The following RAB2A variants were observed in gnomAD, a reference collection of about 807,000 sequenced individuals.
RAB2A encodes the protein ras-related protein Rab-2A.
In RAB2A, 7 loss-of-function variants were observed where a neutral mutation model predicts 32.5. That is an observed-to-expected ratio of 0.22 (90% CI 0.12 to 0.40). RAB2A has a LOEUF of 0.40. RAB2A is among the 10% of genes least tolerant of loss of function. The pLI, the probability that RAB2A is intolerant of heterozygous loss-of-function variation, is 1.00. For missense variants in RAB2A, 108 were observed against 260.7 expected (o/e 0.41, Z 4.03); for synonymous variants, 79 against 85.2 (o/e 0.93, Z 0.40).
intron 7 of RAB2A, among the ~76,000 whole-genome samples, chr8:60,619,478 A>T (rs1442161345): frequency 6.6e-6 from 1 of 152,206 alleles, no homozygotes; most frequent in East Asian, 1.9e-4. Flanking sequence ...CTCATCCTAT[A>T]CATAAATGAG....
chr8:60,526,435 C>T (rs114012666), intron 1 of RAB2A, among the ~76,000 whole-genome samples: 1,668 of 152,190 alleles, frequency 0.011, 19 homozygotes, highest in African/African-American at 0.036. Context: ...TCCCAAGTCT[C>T]TCTGTTTTAG....
intron 6 of RAB2A, among the ~76,000 whole-genome samples, chr8:60,592,969 G>A (rs1210303550): frequency 6.6e-6 from 1 of 152,208 alleles, no homozygotes; most frequent in Non-Finnish European, 1.5e-5. Context: ...AAGGATAACA[G>A]AGGTCAGGGT....
chr8:60,616,233 T>C (rs1220453444), intron 6 of RAB2A, among the ~76,000 whole-genome samples: 1 of 152,236 alleles, frequency 6.6e-6, no homozygotes, highest in Non-Finnish European at 1.5e-5. Flanking sequence ...AGCATCACTT[T>C]CTTAAGCCTG....
intron 1 of RAB2A, among the ~76,000 whole-genome samples, chr8:60,537,981 T>C (rs1442147037): frequency 1.3e-5 from 2 of 152,214 alleles, no homozygotes; most frequent in Non-Finnish European, 2.9e-5. Flanking sequence ...CCTGGCCGTA[T>C]AGCCCAGTTT....
At chr8:60,575,611 T>A (rs1419050752) in intron 3 of RAB2A, among the ~76,000 whole-genome samples, 1 of 151,840 alleles carries the variant, frequency 6.6e-6, no homozygotes, top group African/African-American at 2.4e-5. Context: ...TTTATCAGCC[T>A]TATAGAAATG....
rs368871283 is a variant in RAB2A at position 60,580,495 on chromosome 8, T to C, written c.187-3713T>C. ...CAAAGAGAATAGGCCAGAGTTGTGA[T>C]AGTTTTCAGATAAGTAAGGTCTCAA... On this transcript the variant is annotated intron_variant, in intron 3 of 7. Coordinates refer to ENST00000262646, the MANE Select transcript of RAB2A (RefSeq NM_002865.3). 7.3e-4 allele frequency among the ~76,000 whole-genome samples: 111 copies of C among 152,318 alleles called. 3 individuals carry two copies. In the South Asian group the frequency reaches 0.02, roughly 28 times the overall value.
At chr8:60,519,413 T>TA (rs1416517153) in intron 1 of RAB2A, among the ~76,000 whole-genome samples, 2 of 152,216 alleles carry the variant, frequency 1.3e-5, no homozygotes, top group East Asian at 1.9e-4. Flanking sequence ...TCTCTATTCT[T>TA]AGAGTGCTTT....
At chr8:60,557,999 G>A (rs1438905978) in intron 1 of RAB2A, among the ~76,000 whole-genome samples, 1 of 152,146 alleles carries the variant, frequency 6.6e-6, no homozygotes, top group African/African-American at 2.4e-5. Context: ...TGTAAGCTCT[G>A]TACACAGGAA....
rs965896176 is a variant in RAB2A at position 60,622,479 on chromosome 8, A to G, written c.*1710A>G. ...TGTAGTACAGCCTTTTTTTCTTTCA[A>G]GTGGCTGTATCAAATTCACTGGTCT... is the stretch of plus-strand genomic sequence containing the variant. On this transcript the variant is annotated 3_prime_UTR_variant, in exon 8 of 8. Coordinates refer to ENST00000262646, the MANE Select transcript of RAB2A (RefSeq NM_002865.3). The G allele has an allele frequency of 3.3e-5, 5 of 152,162 alleles. No homozygotes were observed. The highest frequency in any genetic ancestry group is 1.2e-4 in the African/African-American group (5 of 41,436). 9.4% of individuals were successfully genotyped at this position (152,162 alleles called of 1,614,324 possible).
chr8:60,536,763 TGG>T (rs1205836310), intron 1 of RAB2A, among the ~76,000 whole-genome samples: 1 of 152,240 alleles, frequency 6.6e-6, no homozygotes. Context: ...ACATTCTTTT[TGG>T]TTAGCAAATG....
intron 6 of RAB2A, among the ~76,000 whole-genome samples, chr8:60,599,850 C>T (rs964147756): frequency 6.6e-6 from 1 of 151,906 alleles, no homozygotes; most frequent in African/African-American, 2.4e-5. Flanking sequence ...ATTTCAGTAT[C>T]TGAGCCTTAG....
chr8:60,614,469 C>G (rs1037015332), intron 6 of RAB2A, among the ~76,000 whole-genome samples: 2 of 151,976 alleles, frequency 1.3e-5, no homozygotes, highest in Admixed American at 1.3e-4. Context: ...CCAGGCTGGT[C>G]TCAAACTCCT....
intron 1 of RAB2A, among the ~76,000 whole-genome samples, chr8:60,529,671 G>T (rs963471921): frequency 3.3e-5 from 5 of 152,160 alleles, no homozygotes; most frequent in Non-Finnish European, 5.9e-5. Flanking sequence ...TACTTTGGGG[G>T]TTTATCTATA....
intron 6 of RAB2A, among the ~76,000 whole-genome samples, chr8:60,592,508 A>AT (rs35875542): frequency 0.49 from 74,589 of 151,088 alleles, 19,722 homozygotes; most frequent in African/African-American, 0.7. Flanking sequence ...ACTTCTGCTT[A>AT]TTTTTTTAAT....
At chr8:60,592,334 C>T (rs1398414526) in intron 6 of RAB2A, among the ~76,000 whole-genome samples, 2 of 152,100 alleles carry the variant, frequency 1.3e-5, no homozygotes, top group African/African-American at 4.8e-5. Flanking sequence ...AGCAAAATGG[C>T]TTCTCTGGGA....
chr8:60,524,166 C>A (rs2130805611), intron 1 of RAB2A, among the ~76,000 whole-genome samples: 1 of 152,286 alleles, frequency 6.6e-6, no homozygotes, highest in East Asian at 1.9e-4. Context: ...CTCATCTTCT[C>A]AATTGGTGTT....
chr8:60,565,676 A>ATTTTTTTT (rs71252885), intron 2 of RAB2A, among the ~76,000 whole-genome samples: 1 of 97,710 alleles, frequency 1.0e-5, no homozygotes, highest in Non-Finnish European at 2.1e-5. Flanking sequence ...TCTGTAGCTG[A>ATTTTTTTT]TTTTTTTTTT....
At chr8:60,562,212 T>C (rs1808035334) in intron 2 of RAB2A, among the ~76,000 whole-genome samples, 2 of 152,182 alleles carry the variant, frequency 1.3e-5, no homozygotes, top group Non-Finnish European at 2.9e-5. Context: ...TGGAGAAATA[T>C]TGTTAACAGG....
rs1442195298 is a variant in RAB2A at position 60,622,836 on chromosome 8, TTC to T, written c.*2071_*2072del. The T allele has an allele frequency of 6.6e-6, 1 of 152,224 alleles. No homozygotes were observed. Among genetic ancestry groups the T allele is most frequent in the African/African-American group, 2.4e-5 (1 of 41,458 alleles). 9.4% of individuals were successfully genotyped at this position (152,224 alleles called of 1,614,324 possible). A position where few individuals can be genotyped will look rare whatever the true frequency, so the allele number is the denominator to read the frequency against. On this transcript the variant is annotated 3_prime_UTR_variant, in exon 8 of 8. Transcript: ENST00000262646. ...GACTTCTCAATAGTTCTTTTCCACA[TTC>T]TCTACAAATCACATCTACCGTTAAG...
Sources: gnomAD v4.1 joint callset for allele counts (sites outside exome capture counted in the v4.1 genomes callset) on GRCh38, gnomAD v4.1.1 for gene constraint, MANE v1.5 for transcripts, NCBI Gene and HGNC (gene_info 2026-07-23, HGNC 2026-07-21) for gene names.